The following ZNF232 variants were observed in gnomAD, a reference collection of about 807,000 sequenced individuals.
ZNF232 encodes zinc finger protein 232.
Under a neutral mutation model 25.2 loss-of-function variants are expected in ZNF232, and 25 were observed. The ratio of observed to expected loss-of-function variants is 0.99; its 90% CI spans 0.72 to 1.39. ZNF232 has a LOEUF of 1.39. Among genes scored for constraint, ZNF232 ranks in the 40% most tolerant of loss-of-function variants. The probability of loss-of-function intolerance (pLI) is 0.00; values close to 1 mark genes in which losing one functional copy is unlikely to be tolerated. For synonymous variants in ZNF232, 193 were observed against 182.9 expected (o/e 1.06, Z -0.45); for missense variants, 519 against 520.9 (o/e 1.00, Z 0.04).
At chr17:5,108,794 TAAG>T in intron 3 of ZNF232, 129 bp downstream of exon 3, 1 of 1,411,004 alleles carries the variant, frequency 7.1e-7, no homozygotes, top group Non-Finnish European at 9.6e-7. Flanking sequence ...ACCTAAGAGA[TAAG>T]AATAGTAAGG....
upstream of ZNF232, among the ~76,000 whole-genome samples, chr17:5,115,577 A>ACACACACACACACACACACACACACAC (rs1567761979): frequency 6.5e-4 from 51 of 79,034 alleles, no homozygotes; most frequent in Admixed American, 2.9e-3. Context: ...CACACACACA[A>ACACACACACACACACACACACACACAC]AACCCAAAAC....
chr17:5,110,628 C>T (rs1253210385), intron 1 of ZNF232, among the ~76,000 whole-genome samples: 1 of 152,154 alleles, frequency 6.6e-6, no homozygotes, highest in African/African-American at 2.4e-5. Flanking sequence ...AAATATAAGT[C>T]CCCTTTAAGG....
At chr17:5,117,027 C>T (rs2072553415) in intron 1 of ZNF232, among the ~76,000 whole-genome samples, 1 of 152,218 alleles carries the variant, frequency 6.6e-6, no homozygotes, top group Admixed American at 6.5e-5. Context: ...AAGGTAAGTA[C>T]TTTGCAGAAA....
In ZNF232 at chr17:5,109,165, G is replaced by A. The variant is rs568842213; in HGVS notation, c.499-113C>T. The A allele has an allele frequency of 1.0e-5, 15 of 1,503,012 alleles. No homozygotes were observed. In the African/African-American group the frequency reaches 1.7e-4, roughly 17 times the overall value. The allele number at this position is 1,503,012 out of a possible 1,614,324, so 93.1% of individuals were successfully genotyped here. ...ACCCTCCTTGGACCAAAGCTTCCAA[G>A]GAGACTTTAGAGAGCCTCCTCAGAG... On this transcript the variant is annotated intron_variant, in intron 2 of 3. Transcript: ENST00000575898.
chr17:5,111,077 G>C (rs1362624146), intron 1 of ZNF232: 1 of 152,244 alleles, frequency 6.6e-6, no homozygotes, highest in East Asian at 1.9e-4. Flanking sequence ...TAGACATACA[G>C]TAGAGGAAGA....
chr17:5,115,221 C>T (rs1244699729), upstream of ZNF232, among the ~76,000 whole-genome samples: 2 of 151,992 alleles, frequency 1.3e-5, no homozygotes, highest in Non-Finnish European at 2.9e-5. Flanking sequence ...GAGATGTGGC[C>T]AGTGAGCCTC....
intron 1 of ZNF232, chr17:5,121,263 C>T (rs1336657121): frequency 8.2e-6 from 3 of 365,614 alleles, no homozygotes; most frequent in Non-Finnish European, 1.6e-5. Context: ...GTGCAGGTGC[C>T]TTTGGGGCCC....
upstream of ZNF232, chr17:5,116,635 C>A (rs1055122084): frequency 2.6e-5 from 4 of 152,226 alleles, no homozygotes; most frequent in African/African-American, 9.6e-5. Context: ...CGGGCAGATA[C>A]GTGAGGCCTG....
chr17:5,115,410 G>C (rs1036938464), upstream of ZNF232, among the ~76,000 whole-genome samples: 1 of 152,022 alleles, frequency 6.6e-6, no homozygotes, highest in Admixed American at 6.6e-5. Context: ...AATTAGCCTG[G>C]CGTGGTGGGG....
chr17:5,116,124 T>C (rs2072530140), upstream of ZNF232, among the ~76,000 whole-genome samples: 1 of 152,118 alleles, frequency 6.6e-6, no homozygotes, highest in Non-Finnish European at 1.5e-5. Flanking sequence ...CGCCCATCAG[T>C]CTTCCCCTCA....
At chr17:5,106,689 G>A (rs1567755525) in intron 3 of ZNF232, among the ~76,000 whole-genome samples, 156 bp from the exon 4 acceptor site, 1 of 152,128 alleles carries the variant, frequency 6.6e-6, no homozygotes, top group African/African-American at 2.4e-5. Flanking sequence ...ACAGAGGAGA[G>A]GGTTTCTTCT....
chr17:5,109,896 T>C (rs1429454926), intron 1 of ZNF232, 28 bp from the exon 2 acceptor site: 4 of 537,946 alleles, frequency 7.4e-6, no homozygotes, highest in Non-Finnish European at 8.0e-6. Context: ...ATCATTCCTC[T>C]TTTTTTTTTT....
chr17:5,119,589 G>T (rs1319828524), intron 1 of ZNF232, among the ~76,000 whole-genome samples: 2 of 152,276 alleles, frequency 1.3e-5, no homozygotes, highest in East Asian at 3.9e-4. Context: ...GACCCTCAGA[G>T]GACCCTGGGT....
upstream of ZNF232, among the ~76,000 whole-genome samples, chr17:5,113,101 G>A (rs1246202384): frequency 6.6e-6 from 1 of 152,202 alleles, no homozygotes; most frequent in East Asian, 1.9e-4. Context: ...TAGTACCATA[G>A]TAACAGTTCT....
intron 3 of ZNF232, among the ~76,000 whole-genome samples, chr17:5,108,240 G>A (rs2072309381): frequency 6.6e-6 from 1 of 152,210 alleles, no homozygotes; most frequent in Non-Finnish European, 1.5e-5. Flanking sequence ...TCACAATACG[G>A]TCACAAGGCT....
chr17:5,108,876 T>G, intron 3 of ZNF232, 50 bp downstream of exon 3: 4 of 1,612,484 alleles, frequency 2.5e-6, no homozygotes, highest in Non-Finnish European at 3.4e-6. Flanking sequence ...TACTGTGCCC[T>G]TTATAGTCCC....
chr17:5,122,829 G>A (rs1407705875), intron 1 of ZNF232: 4 of 152,312 alleles, frequency 2.6e-5, no homozygotes, highest in African/African-American at 9.6e-5. Flanking sequence ...AGCGCACTGA[G>A]CTCTTAGAGG....
upstream of ZNF232, chr17:5,112,042 C>G (rs1026266445): frequency 7.5e-6 from 5 of 666,162 alleles, no homozygotes; most frequent in Non-Finnish European, 1.2e-5. Context: ...GCCGCCTGCA[C>G]GACTGGACTG....
At chr17:5,109,803 A>G in exon 2 of ZNF232, 1 of 1,614,150 alleles carries the variant, frequency 6.2e-7, no homozygotes, top group Non-Finnish European at 8.5e-7. Context: ...TGTTAGTGAT[A>G]CAGCCATCCT....
Sources: allele counts gnomAD v4.1 joint callset (sites outside exome capture counted in the v4.1 genomes callset), GRCh38; gene constraint gnomAD v4.1.1; transcripts MANE v1.5; gene names NCBI Gene and HGNC (gene_info 2026-07-23, HGNC 2026-07-21).